Variants in C8orf34 observed in about 807,000 individuals in gnomAD.
C8orf34 encodes chromosome 8 open reading frame 34, also known as uncharacterized protein C8orf34.
A neutral mutation model predicts 68.3 loss-of-function variants in C8orf34; 65 were observed. The ratio of observed to expected loss-of-function variants is 0.95; its 90% CI spans 0.78 to 1.17. C8orf34 has a LOEUF of 1.17. Ranked by LOEUF, C8orf34 falls within the 50% of genes most tolerant of loss-of-function variation. The pLI is 0.00. For missense variants in C8orf34, 664 were observed against 655.4 expected (o/e 1.01, Z -0.14); for synonymous variants, 244 against 241.2 (o/e 1.01, Z -0.11).
intron 5 of C8orf34, among the ~76,000 whole-genome samples, chr8:68,498,956 C>T (rs1489023481): frequency 6.6e-6 from 1 of 152,076 alleles, no homozygotes; most frequent in Non-Finnish European, 1.5e-5. Flanking sequence ...TCAGGGGGTA[C>T]ATGTGCAGGT....
At chr8:68,790,764 G>T in intron 12 of C8orf34, 1 of 611,048 alleles carries the variant, frequency 1.6e-6, no homozygotes, top group South Asian at 2.0e-5. Context: ...CCAAATATTT[G>T]AATCTACTGG....
chr8:68,735,151 C>T (rs1416528575), intron 10 of C8orf34, among the ~76,000 whole-genome samples: 1 of 152,126 alleles, frequency 6.6e-6, no homozygotes, highest in Non-Finnish European at 1.5e-5. Flanking sequence ...GCCCTGGTGG[C>T]CCATCTTGGG....
At chr8:68,586,369 T>A (rs1054755933) in intron 7 of C8orf34, among the ~76,000 whole-genome samples, 5 of 152,198 alleles carry the variant, frequency 3.3e-5, no homozygotes, top group African/African-American at 1.2e-4. Context: ...AAGGGCCAGT[T>A]TGGCCACTTC....
intron 12 of C8orf34, among the ~76,000 whole-genome samples, chr8:68,798,542 T>C (rs1019750272): frequency 6.6e-6 from 1 of 152,220 alleles, no homozygotes; most frequent in Non-Finnish European, 1.5e-5. Flanking sequence ...ATATTTGTTA[T>C]GCTACTATCA....
In C8orf34 at chr8:68,563,010, A is replaced by G. The variant is rs1446196250; in HGVS notation, c.1105+29861A>G. 2.6e-5 allele frequency among the ~76,000 whole-genome samples: 4 copies of G among 152,142 alleles called. No homozygotes were observed. In the East Asian group the frequency reaches 5.8e-4, roughly 22 times the overall value. On this transcript the variant is annotated intron_variant, in intron 7 of 13. Transcript: ENST00000518698. ...GCACAGCACTATAATTTTTTAAAACACACATCTAAATGGCACAGTTTACTA... is the reference window on the plus strand; with the variant it reads ...GCACAGCACTATAATTTTTTAAAACGCACATCTAAATGGCACAGTTTACTA...
intron 5 of C8orf34, among the ~76,000 whole-genome samples, chr8:68,506,252 A>G (rs1267802750): frequency 6.6e-6 from 1 of 152,226 alleles, no homozygotes; most frequent in East Asian, 1.9e-4. Context: ...AAGAGATTGT[A>G]TCAGTGTATA....
At chr8:68,815,839 G>T in intron 12 of C8orf34, 47 bp from the exon 13 acceptor site, 4 of 1,613,220 alleles carry the variant, frequency 2.5e-6, no homozygotes, top group South Asian at 1.1e-5. Flanking sequence ...TTTAATCGAT[G>T]ATTTTTCCTG....
intron 3 of C8orf34, among the ~76,000 whole-genome samples, chr8:68,466,334 T>C (rs1812133701): frequency 6.6e-6 from 1 of 152,048 alleles, no homozygotes; most frequent in African/African-American, 2.4e-5. Flanking sequence ...AGGGTGACTA[T>C]AGTTAACACG....
chr8:68,674,973 C>A (rs1473275493), intron 8 of C8orf34, among the ~76,000 whole-genome samples: 1 of 151,876 alleles, frequency 6.6e-6, no homozygotes, highest in Non-Finnish European at 1.5e-5. Context: ...TCAGTGGGAA[C>A]TTTACAGGCC....
intron 8 of C8orf34, among the ~76,000 whole-genome samples, chr8:68,703,385 A>T (rs1821074010): frequency 6.6e-6 from 1 of 152,036 alleles, no homozygotes; most frequent in Non-Finnish European, 1.5e-5. Flanking sequence ...ATTCAATCAC[A>T]TTTACTATCT....
At chr8:68,544,189 A>G (rs1452250500) in intron 7 of C8orf34, among the ~76,000 whole-genome samples, 1 of 152,196 alleles carries the variant, frequency 6.6e-6, no homozygotes, top group East Asian at 1.9e-4. Flanking sequence ...ATGCTCTTAC[A>G]AGAGCAGGAC....
At chr8:68,377,220 G>A (rs1356875884) in intron 1 of C8orf34, among the ~76,000 whole-genome samples, 1 of 151,806 alleles carries the variant, frequency 6.6e-6, no homozygotes, top group African/African-American at 2.4e-5. Context: ...GGCAAAACCT[G>A]GTCTCTATAA....
At chr8:68,808,315 C>A (rs2129529825) in intron 12 of C8orf34, among the ~76,000 whole-genome samples, 1 of 152,180 alleles carries the variant, frequency 6.6e-6, no homozygotes, top group Non-Finnish European at 1.5e-5. Context: ...TGGGCAGAAC[C>A]ATTAAATATT....
At position 68,562,844 on chromosome 8, in the gene C8orf34, T is replaced by G. The variant is rs147567743; in HGVS notation, c.1105+29695T>G. Among the ~76,000 whole-genome samples, 1,433 of 152,336 alleles carry G rather than the reference T, an allele frequency of 9.4e-3. 18 individuals carry two copies. The highest frequency in any genetic ancestry group is 0.011 in the Non-Finnish European group (720 of 68,024). Reference sequence around the variant, plus strand: ...TTATACCCAGTAATTTAACATGACATGTAAAATGTTGCTGATGTTCCTAAT... The same window carrying G: ...TTATACCCAGTAATTTAACATGACAGGTAAAATGTTGCTGATGTTCCTAAT... On this transcript the variant is annotated intron_variant, in intron 7 of 13. Transcript: ENST00000518698.
At chr8:68,330,905 C>A, upstream of C8orf34, 1 of 949,956 alleles carries the variant, frequency 1.1e-6, no homozygotes. Context: ...CCCCCTGATT[C>A]CTGCTGCTGC....
At chr8:68,446,639 C>T (rs1811137666) in intron 3 of C8orf34, 179 bp downstream of exon 3, 1 of 611,082 alleles carries the variant, frequency 1.6e-6, no homozygotes, top group South Asian at 2.4e-5. Flanking sequence ...TATGTATTTG[C>T]TTGCTTATAT....
intron 10 of C8orf34, among the ~76,000 whole-genome samples, chr8:68,741,558 A>G (rs1487571972): frequency 1.3e-5 from 2 of 152,270 alleles, no homozygotes; most frequent in East Asian, 3.9e-4. Context: ...ACTAGGTCTT[A>G]TTCTTTTGAA....
chr8:68,402,768 G>A (rs1438116195), intron 1 of C8orf34, among the ~76,000 whole-genome samples: 1 of 152,092 alleles, frequency 6.6e-6, no homozygotes, highest in Non-Finnish European at 1.5e-5. Context: ...TGTGGTCTGG[G>A]AAGATATTTG....
At chr8:68,707,877 G>A (rs1821216008) in intron 8 of C8orf34, among the ~76,000 whole-genome samples, 2 of 152,018 alleles carry the variant, frequency 1.3e-5, no homozygotes, top group Non-Finnish European at 2.9e-5. Context: ...TGATAGAATG[G>A]TCCTGGACAA....
Sources: allele counts gnomAD v4.1 joint callset (sites outside exome capture counted in the v4.1 genomes callset), GRCh38; gene constraint gnomAD v4.1.1; transcripts MANE v1.5; gene names NCBI Gene and HGNC (gene_info 2026-07-23, HGNC 2026-07-21).